GPX2: variants seen among roughly 807,000 people sequenced by gnomAD.
The protein encoded by GPX2 is gastrointestinal glutathione peroxidase.
In GPX2, 21 loss-of-function variants were observed where a neutral mutation model predicts 14.1. The observed-to-expected ratio is 1.48, with a 90% confidence interval of 1.05 to 2.14. The LOEUF is 2.14. GPX2 is among the 30% of genes most tolerant of loss of function. The pLI is 0.00. For synonymous variants in GPX2, 94 were observed against 95.2 expected (o/e 0.99, Z 0.07); for missense variants, 241 against 249.8 (o/e 0.96, Z 0.24).
Position 64,939,247 on chromosome 14 carries a change from G to A in GPX2, c.*241C>T. 1.9e-6 allele frequency: 1 copy of A among 520,860 alleles called. No homozygotes were observed. The highest frequency in any genetic ancestry group is 3.5e-6 in the Non-Finnish European group (1 of 288,228). 32.3% of individuals were successfully genotyped at this position (520,860 alleles called of 1,614,324 possible). A position where few individuals can be genotyped will look rare whatever the true frequency, so the allele number is the denominator to read the frequency against. On this transcript the variant is annotated 3_prime_UTR_variant, in exon 2 of 2. Coordinates refer to ENST00000389614, the MANE Select transcript of GPX2 (RefSeq NM_002083.4). This position sits in a 1 kb window ranked among gnomAD's most constrained non-coding sequence, Gnocchi z 5.7. The stretch of plus-strand genomic sequence containing the variant: ...GACACCACCCATGAGGGTTTAGGAA[G>A]GTGCCATCATTCTGTGAAGGCCCAG...
At position 64,939,968 on chromosome 14, in the gene GPX2, A is replaced by AGG; in HGVS notation, c.223-131_223-130insCC. 1 of 1,471,618 alleles carries AGG rather than the reference A, an allele frequency of 6.8e-7. No homozygotes were observed. The highest frequency in any genetic ancestry group is 8.9e-7 in the Non-Finnish European group (1 of 1,119,382). The allele number at this position is 1,471,618 out of a possible 1,614,324, so 91.2% of individuals were successfully genotyped here. The stretch of plus-strand genomic sequence containing the variant: ...CTTTTTCACTGTGAAAGAGAGAGAG[A>AGG]CAAGACAGACGAGGTGTTGCTCACT... On this transcript the variant is annotated intron_variant, in intron 1 of 1. Coordinates refer to ENST00000389614, the MANE Select transcript of GPX2 (RefSeq NM_002083.4). The surrounding 1 kb of genome is among the most constrained non-coding windows in gnomAD (Gnocchi z 5.7).
rs934723063 is a variant in GPX2, at chr14:64,939,879, G to T, written c.223-41C>A. 46 of 1,595,626 alleles carry T rather than the reference G, an allele frequency of 2.9e-5. No individual in the cohort carries two copies. The highest frequency in any genetic ancestry group is 3.8e-5 in the Non-Finnish European group (44 of 1,169,510). ...GACAAAGTGCGTGGACAGTGGGTGG[G>T]GGAAGAGAAAGATCCACAACATGAA... On this transcript the variant is annotated intron_variant, in intron 1 of 1. Coordinates refer to ENST00000389614, the MANE Select transcript of GPX2 (RefSeq NM_002083.4). This position sits in a 1 kb window ranked among gnomAD's most constrained non-coding sequence, Gnocchi z 5.7.
intron 1 of GPX2, chr14:64,941,471 T>G: frequency 3.9e-6 from 5 of 1,288,924 alleles, no homozygotes; most frequent in Non-Finnish European, 3.0e-6. Context: ...CTGGAGGTAC[T>G]TCTGGGGCTG....
chr14:64,939,630 G>A lies in GPX2; in HGVS notation c.431C>T (p.Pro144Leu), dbSNP rs772593690. 5.6e-6 allele frequency: 9 copies of A among 1,614,030 alleles called. No homozygotes were observed. The African/African-American group carries it at 8.0e-5, about 14-fold the overall frequency. The part of the protein sequence containing the change: ...MTDPKLIIWS[P>L]VRRSDVAWNF... ...CCAGGCCACATCTGAGCGGCGCACAGGGCTCCAAATGATGAGCTTGGGATC... is the reference window on the plus strand; with the variant it reads ...CCAGGCCACATCTGAGCGGCGCACAAGGCTCCAAATGATGAGCTTGGGATC... Residue 144 changes from proline to leucine, a missense_variant, in exon 2 of 2, where the codon CCT becomes CTT. Physicochemically the swap from Pro to Leu is moderately conservative, Grantham distance 98 (BLOSUM62 -3). Coordinates refer to ENST00000389614, the MANE Select transcript of GPX2 (RefSeq NM_002083.4). The surrounding 1 kb of genome is among the most constrained non-coding windows in gnomAD (Gnocchi z 5.7).
chr14:64,941,611 C>G (rs995153472), intron 1 of GPX2: 2 of 1,116,764 alleles, frequency 1.8e-6, no homozygotes, highest in Non-Finnish European at 2.3e-6. Context: ...GCCAGTGATG[C>G]TTCAGCCTTC....
chr14:64,939,314 G>C lies in GPX2; in HGVS notation c.*174C>G. The C allele has an allele frequency of 1.6e-6, 1 of 637,096 alleles. No individual in the cohort carries two copies. The highest frequency in any genetic ancestry group is 2.8e-6 in the Non-Finnish European group (1 of 359,844). 39.5% of individuals were successfully genotyped at this position (637,096 alleles called of 1,614,324 possible). A position where few individuals can be genotyped will look rare whatever the true frequency, so the allele number is the denominator to read the frequency against. On this transcript the variant is annotated 3_prime_UTR_variant, in exon 2 of 2. Transcript: ENST00000389614. This position sits in a 1 kb window ranked among gnomAD's most constrained non-coding sequence, Gnocchi z 5.7. ...GGAGCCCAAGTTGAATCACCAACCAGAGGGTTGGGAGAGGAAAAGGAAACA... is the reference window on the plus strand; with the variant it reads ...GGAGCCCAAGTTGAATCACCAACCACAGGGTTGGGAGAGGAAAAGGAAACA...
rs1200975946 is a variant in GPX2 at position 64,939,176 on chromosome 14, A to T, written c.*312T>A. The T allele has an allele frequency of 1.1e-5, 3 of 272,040 alleles. No individual in the cohort carries two copies. Among genetic ancestry groups the T allele is most frequent in the East Asian group, 7.8e-5 (1 of 12,852 alleles). 16.9% of individuals were successfully genotyped at this position (272,040 alleles called of 1,614,324 possible). A position where few individuals can be genotyped will look rare whatever the true frequency, so the allele number is the denominator to read the frequency against. On this transcript the variant is annotated 3_prime_UTR_variant, in exon 2 of 2. Transcript: ENST00000389614. This position sits in a 1 kb window ranked among gnomAD's most constrained non-coding sequence, Gnocchi z 5.7. Reference sequence around the variant, plus strand: ...CTGGCCGTTTCCACACCTGCCCTTTATTGGTCTCTTCTAGCAGAGTGGCTC... The same window carrying T: ...CTGGCCGTTTCCACACCTGCCCTTTTTTGGTCTCTTCTAGCAGAGTGGCTC...
intron 1 of GPX2, chr14:64,941,634 C>G: frequency 1.1e-6 from 1 of 875,034 alleles, no homozygotes; most frequent in Non-Finnish European, 1.5e-6. Flanking sequence ...GCTTTCCTGT[C>G]TTCCTCACCT....
Position 64,939,797 on chromosome 14 carries a change from A to AT in GPX2, c.263dup (p.Tyr88Ter), listed in dbSNP as rs1434101595. 6.2e-7 allele frequency: 1 copy of AT among 1,614,018 alleles called. No individual in the cohort carries two copies. Among genetic ancestry groups the AT allele is most frequent in the Non-Finnish European group, 8.5e-7 (1 of 1,180,034 alleles). Residue 88 changes from tyrosine (Y) to a stop codon, truncating the protein, a stop_gained and frameshift_variant, in exon 2 of 2, where the codon TAT (tyrosine) becomes TAAT (stop). Coordinates refer to ENST00000389614, the MANE Select transcript of GPX2 (RefSeq NM_002083.4). LOFTEE classifies it high-confidence loss of function. This position sits in a 1 kb window ranked among gnomAD's most constrained non-coding sequence, Gnocchi z 5.7. ...QNEEILNSLK[Y>*]VRPGGGYQPT... Reference sequence around the variant, plus strand: ...GCTGGTATCCACCCCCAGGACGGACATACTTGAGACTGTTCAGGATCTCCT... The same window carrying AT: ...GCTGGTATCCACCCCCAGGACGGACATTACTTGAGACTGTTCAGGATCTCCT...
Position 64,939,443 on chromosome 14 carries a change from C to T in GPX2, c.*45G>A. 1 of 1,484,932 alleles carries T rather than the reference C, an allele frequency of 6.7e-7. No homozygotes were observed. Among genetic ancestry groups the T allele is most frequent in the Non-Finnish European group, 9.3e-7 (1 of 1,074,690 alleles). 92.0% of individuals were successfully genotyped at this position (1,484,932 alleles called of 1,614,324 possible). ...AGGCATGCTGCATCCTAAGGCTCCT[C>T]AGGACTGGATGGAGTAGGAGATCTG... On this transcript the variant is annotated 3_prime_UTR_variant, in exon 2 of 2. Coordinates refer to ENST00000389614, the MANE Select transcript of GPX2 (RefSeq NM_002083.4). The surrounding 1 kb of genome is among the most constrained non-coding windows in gnomAD (Gnocchi z 5.7).
rs998850386 is a variant in GPX2, at chr14:64,939,220, C to T, written c.*268G>A. 6.9e-5 allele frequency: 31 copies of T among 446,488 alleles called. No individual in the cohort carries two copies. The South Asian group carries it at 8.1e-4, about 12-fold the overall frequency. The allele number at this position is 446,488 out of a possible 1,614,324, so 27.7% of individuals were successfully genotyped here. On this transcript the variant is annotated 3_prime_UTR_variant, in exon 2 of 2. Coordinates refer to ENST00000389614, the MANE Select transcript of GPX2 (RefSeq NM_002083.4). The surrounding 1 kb of genome is among the most constrained non-coding windows in gnomAD (Gnocchi z 5.7). ...GTGGCTCCAGGCCCTTCACGCCTCT[C>T]AGACACCACCCATGAGGGTTTAGGA...
chr14:64,941,690 C>T (rs1047367760), intron 1 of GPX2, among the ~76,000 whole-genome samples: 25 of 152,132 alleles, frequency 1.6e-4, no homozygotes, highest in East Asian at 5.8e-4. Context: ...CGAGAGGGTT[C>T]GCTTGGGTTC....
chr14:64,940,400 G>T lies in GPX2; in HGVS notation c.223-562C>A, dbSNP rs1305729366. On this transcript the variant is annotated intron_variant, in intron 1 of 1. Coordinates refer to ENST00000389614, the MANE Select transcript of GPX2 (RefSeq NM_002083.4). This position sits in a 1 kb window ranked among gnomAD's most constrained non-coding sequence, Gnocchi z 4.5. ...TATAGCCTTTGCCTCTGCCTACTCA[G>T]CTCCTTGAACTGAGGGTGAAATTGA... Among the ~76,000 whole-genome samples the T allele has an allele frequency of 1.3e-5, 2 of 152,146 alleles. No individual in the cohort carries two copies. The highest frequency in any genetic ancestry group is 2.9e-5 in the Non-Finnish European group (2 of 68,034).
chr14:64,939,655 C>A lies in GPX2; in HGVS notation c.406G>T (p.Asp136Tyr), dbSNP rs761968560. 2 of 1,614,072 alleles carry A rather than the reference C, an allele frequency of 1.2e-6. No homozygotes were observed. The highest frequency in any genetic ancestry group is 2.2e-5 in the South Asian group (2 of 91,080). Reference sequence around the variant, plus strand: ...GGGCTCCAAATGATGAGCTTGGGATCGGTCATGAGGGAAAATGGGTCATCA... The same window carrying A: ...GGGCTCCAAATGATGAGCTTGGGATAGGTCATGAGGGAAAATGGGTCATCA... ...PYDDPFSLMT[D>Y]PKLIIWSPVR... Residue 136 changes from aspartate (D) to tyrosine (Y), a missense_variant, in exon 2 of 2, where the codon GAT (aspartate) becomes TAT (tyrosine). Asp to Tyr is a radical substitution (Grantham distance 160, BLOSUM62 -3). Transcript: ENST00000389614. The surrounding 1 kb of genome is among the most constrained non-coding windows in gnomAD (Gnocchi z 5.7).
At position 64,942,637 on chromosome 14, in the gene GPX2, G is replaced by A. The variant is rs780236344; in HGVS notation, c.90C>T (p.Ala30=). The change falls in exon 1 of 2, where the codon GCC becomes GCT. Residue 30 remains alanine, a synonymous_variant. Coordinates refer to ENST00000389614, the MANE Select transcript of GPX2 (RefSeq NM_002083.4). ...GCGAAGCCACATTCTCAATCAGCAC[G>A]GCCCTGCCCCGGAACGTATTGAAAT... ...KVDFNTFRGR[A]VLIENVASLU... 23 of 1,614,040 alleles carry A rather than the reference G, an allele frequency of 1.4e-5. No homozygotes were observed. Among genetic ancestry groups the A allele is most frequent in the South Asian group, 2.2e-5 (2 of 91,080 alleles).
At position 64,940,004 on chromosome 14, in the gene GPX2, A is replaced by T; in HGVS notation, c.223-166T>A. The T allele has an allele frequency of 6.8e-7, 1 of 1,473,560 alleles. No homozygotes were observed. The highest frequency in any genetic ancestry group is 8.9e-7 in the Non-Finnish European group (1 of 1,122,306). The allele number at this position is 1,473,560 out of a possible 1,614,324, so 91.3% of individuals were successfully genotyped here. On this transcript the variant is annotated intron_variant, in intron 1 of 1. Coordinates refer to ENST00000389614, the MANE Select transcript of GPX2 (RefSeq NM_002083.4). This position sits in a 1 kb window ranked among gnomAD's most constrained non-coding sequence, Gnocchi z 4.5. ...GAGGTGTTGCTCACTGCAGCCTTGAACTTCTGGGCTCAAGCATTCCTCCTG... is the reference window on the plus strand; with the variant it reads ...GAGGTGTTGCTCACTGCAGCCTTGATCTTCTGGGCTCAAGCATTCCTCCTG...
At chr14:64,942,476 T>G (rs777983880) in intron 1 of GPX2, 29 bp downstream of exon 1, 1 of 1,575,376 alleles carries the variant, frequency 6.3e-7, no homozygotes, top group South Asian at 1.1e-5. Context: ...CCCAACACTT[T>G]TGGTGCATTA....
chr14:64,939,978 C>A lies in GPX2; in HGVS notation c.223-140G>T. 1 of 1,469,522 alleles carries A rather than the reference C, an allele frequency of 6.8e-7. No individual in the cohort carries two copies. Among genetic ancestry groups the A allele is most frequent in the Non-Finnish European group, 8.9e-7 (1 of 1,119,094 alleles). The allele number at this position is 1,469,522 out of a possible 1,614,324, so 91.0% of individuals were successfully genotyped here. A position where few individuals can be genotyped will look rare whatever the true frequency, so the allele number is the denominator to read the frequency against. On this transcript the variant is annotated intron_variant, in intron 1 of 1. Coordinates refer to ENST00000389614, the MANE Select transcript of GPX2 (RefSeq NM_002083.4). The surrounding 1 kb of genome is among the most constrained non-coding windows in gnomAD (Gnocchi z 5.7). ...GTGAAAGAGAGAGAGACAAGACAGA[C>A]GAGGTGTTGCTCACTGCAGCCTTGA...
Position 64,942,501 on chromosome 14 carries a change from T to C in GPX2, c.222+4A>G. On this transcript the variant is annotated splice_donor_region_variant and intron_variant, in intron 1 of 1. Coordinates refer to ENST00000389614, the MANE Select transcript of GPX2 (RefSeq NM_002083.4). ...TTGGTGCATTACAAGGAGGGACCCC[T>C]CACCTGATGTCCAAATTGGTTGCAA... 6.2e-7 allele frequency: 1 copy of C among 1,613,052 alleles called. No homozygotes were observed. The highest frequency in any genetic ancestry group is 8.5e-7 in the Non-Finnish European group (1 of 1,179,300).
Sources: allele counts gnomAD v4.1 joint callset (sites outside exome capture counted in the v4.1 genomes callset), GRCh38; gene constraint gnomAD v4.1.1; non-coding constraint Gnocchi (gnomAD v3.1); transcripts MANE v1.5; gene names NCBI Gene and HGNC (gene_info 2026-07-23, HGNC 2026-07-21).